Variants in OR1F1 observed in about 807,000 individuals in gnomAD.
The protein encoded by OR1F1 is olfactory receptor family 1 subfamily F member 1, also known as olfactory receptor 1F1.
For synonymous variants in OR1F1, 184 were observed against 156.7 expected (o/e 1.17, Z -1.30); for missense variants, 493 against 376.3 (o/e 1.31, Z -2.57).
chr16:3,191,801 C>T, the OR1F1 span, among the ~76,000 whole-genome samples: 934 of 152,098 alleles, frequency 6.1e-3, 8 homozygotes, highest in African/African-American at 0.021. Context: ...ACTGAGGGGC[C>T]ACAGGATGGG....
upstream of OR1F1, among the ~76,000 whole-genome samples, chr16:3,202,868 T>C (rs1463926992): frequency 6.6e-6 from 1 of 152,074 alleles, no homozygotes; most frequent in African/African-American, 2.4e-5. Flanking sequence ...TGGGAGCTGG[T>C]GATTCAGTGG....
upstream of OR1F1, among the ~76,000 whole-genome samples, chr16:3,199,871 T>C (rs961522955): frequency 6.6e-6 from 1 of 151,710 alleles, no homozygotes; most frequent in Admixed American, 6.6e-5. Flanking sequence ...CAAAATTAGC[T>C]GGGCATTGTG....
chr16:3,194,544 A>C, the OR1F1 span, among the ~76,000 whole-genome samples: 1 of 151,060 alleles, frequency 6.6e-6, no homozygotes, highest in Admixed American at 6.6e-5. Flanking sequence ...CACGGGAGAG[A>C]TGTATGACAC....
At chr16:3,189,913 AT>A in the OR1F1 span, 71,953 of 151,236 alleles carry the variant, frequency 0.48, 17,387 homozygotes, top group Middle Eastern at 0.53. Context: ...TTGACAAGCT[AT>A]TTTTTTTGTC....
upstream of OR1F1, chr16:3,204,136 A>C: frequency 1.3e-6 from 1 of 749,002 alleles, no homozygotes; most frequent in South Asian, 1.9e-5. Flanking sequence ...TATCATTTAC[A>C]TCCTGCAAGC....
chr16:3,190,466 G>A, the OR1F1 span, among the ~76,000 whole-genome samples: 2 of 152,198 alleles, frequency 1.3e-5, no homozygotes, highest in African/African-American at 4.8e-5. Flanking sequence ...CCCAGCACAA[G>A]GAGGCAGGGA....
upstream of OR1F1, among the ~76,000 whole-genome samples, chr16:3,202,274 T>A (rs1396898811): frequency 6.6e-6 from 1 of 152,154 alleles, no homozygotes; most frequent in Non-Finnish European, 1.5e-5. Context: ...ATCTGCAGAA[T>A]GAAGCTGAGC....
chr16:3,189,327 C>G, the OR1F1 span, among the ~76,000 whole-genome samples: 1 of 152,204 alleles, frequency 6.6e-6, no homozygotes, highest in Non-Finnish European at 1.5e-5. Context: ...CCATGTCCTG[C>G]GGAAGCTGGA....
chr16:3,201,097 CT>C (rs1958130330), upstream of OR1F1, among the ~76,000 whole-genome samples: 1 of 152,184 alleles, frequency 6.6e-6, no homozygotes, highest in Non-Finnish European at 1.5e-5. Context: ...TATCTGGCTT[CT>C]TTCACTTAGC....
At chr16:3,203,529 G>A (rs1449252153), upstream of OR1F1, among the ~76,000 whole-genome samples, 1 of 152,230 alleles carries the variant, frequency 6.6e-6, no homozygotes, top group Non-Finnish European at 1.5e-5. Flanking sequence ...ACCTTGGGAG[G>A]CCAAGGCGGG....
the OR1F1 span, among the ~76,000 whole-genome samples, chr16:3,198,156 A>G: frequency 6.6e-6 from 1 of 151,096 alleles, no homozygotes; most frequent in African/African-American, 2.4e-5. Context: ...AGGGAGAGAG[A>G]GGGAGAGAGA....
At chr16:3,195,673 A>AC in the OR1F1 span, among the ~76,000 whole-genome samples, 1 of 121,174 alleles carries the variant, frequency 8.3e-6, no homozygotes, top group Admixed American at 8.0e-5. Flanking sequence ...ACAGAGTGGA[A>AC]CTCAAAAAAA....
the OR1F1 span, among the ~76,000 whole-genome samples, chr16:3,189,950 GT>G: frequency 6.6e-6 from 1 of 151,942 alleles, no homozygotes; most frequent in Non-Finnish European, 1.5e-5. Context: ...GGTGGTTTTT[GT>G]TTTGTTTTGT....
upstream of OR1F1, among the ~76,000 whole-genome samples, chr16:3,200,258 G>T (rs1958121715): frequency 6.6e-6 from 1 of 152,008 alleles, no homozygotes; most frequent in Non-Finnish European, 1.5e-5. Flanking sequence ...TTGTTCATAG[G>T]TTGCACGTCT....
chr16:3,191,548 C>T, the OR1F1 span, among the ~76,000 whole-genome samples: 5 of 152,252 alleles, frequency 3.3e-5, no homozygotes, highest in Admixed American at 1.3e-4. Flanking sequence ...ATCTCAGGGT[C>T]GTGGGTTCGA....
chr16:3,204,352 C>G, exon 1 of OR1F1: 2 of 1,614,124 alleles, frequency 1.2e-6, no homozygotes, highest in Non-Finnish European at 1.7e-6. Context: ...CAGCATGTAC[C>G]TGGCCACTGT....
At chr16:3,192,896 G>A in the OR1F1 span, among the ~76,000 whole-genome samples, 1 of 152,022 alleles carries the variant, frequency 6.6e-6, no homozygotes, top group Non-Finnish European at 1.5e-5. Context: ...TCTTCCTCCC[G>A]GGTACTGTGC....
At chr16:3,199,802 G>A (rs1958115725), upstream of OR1F1, among the ~76,000 whole-genome samples, 1 of 152,184 alleles carries the variant, frequency 6.6e-6, no homozygotes, top group African/African-American at 2.4e-5. Context: ...GATCGCCTGA[G>A]GTCAGGAGTT....
At chr16:3,204,222 C>A (rs898187200), upstream of OR1F1, 3 of 1,540,160 alleles carry the variant, frequency 1.9e-6, no homozygotes, top group African/African-American at 4.1e-5. Context: ...TCTTTGTCTG[C>A]CTCTGTGTCC....
Sources: allele counts gnomAD v4.1 joint callset (sites outside exome capture counted in the v4.1 genomes callset), GRCh38; gene constraint gnomAD v4.1.1; transcripts MANE v1.5; gene names NCBI Gene and HGNC (gene_info 2026-07-23, HGNC 2026-07-21).